ANK2: variants seen among roughly 807,000 people sequenced by gnomAD.
ANK2 encodes the protein ankyrin-2.
Under a neutral mutation model 360.5 loss-of-function variants are expected in ANK2, and 83 were observed. The observed-to-expected ratio is 0.23, with a 90% CI of 0.19 to 0.28. The LOEUF is 0.28. Among genes scored for constraint, ANK2 ranks in the 10% least tolerant of loss-of-function variants. The probability of loss-of-function intolerance (pLI) is 1.00; values close to 1 mark genes in which losing one functional copy is unlikely to be tolerated. For missense variants in ANK2, 4,201 were observed against 4,795.7 expected (o/e 0.88, Z 3.66); for synonymous variants, 1,740 against 1,759.5 (o/e 0.99, Z 0.28).
chr4:112,947,312 C>A (rs1313757750), intron 2 of ANK2, among the ~76,000 whole-genome samples: 2 of 152,120 alleles, frequency 1.3e-5, no homozygotes, highest in Non-Finnish European at 2.9e-5. Context: ...CTGCTATCAC[C>A]TAAGGTGCTT....
intron 4 of ANK2, among the ~76,000 whole-genome samples, chr4:113,200,249 G>A (rs1027416176): frequency 6.6e-5 from 10 of 152,152 alleles, no homozygotes; most frequent in African/African-American, 2.2e-4. Context: ...GGTACCATCT[G>A]TAAAGAACAT....
chr4:113,282,568 T>C, intron 17 of ANK2, 107 bp from the exon 18 acceptor site: 1 of 1,123,590 alleles, frequency 8.9e-7, no homozygotes, highest in Non-Finnish European at 1.3e-6. Context: ...GTAAACTCAC[T>C]TTTAACTCTT....
upstream of ANK2, among the ~76,000 whole-genome samples, chr4:113,046,584 A>G (rs1012436055): frequency 2.0e-5 from 3 of 152,074 alleles, no homozygotes; most frequent in Non-Finnish European, 2.9e-5. Flanking sequence ...AGAGTGTTCA[A>G]TATGCCATCT....
At chr4:113,108,307 A>T (rs2093894069) in intron 1 of ANK2, among the ~76,000 whole-genome samples, 1 of 152,182 alleles carries the variant, frequency 6.6e-6, no homozygotes, top group Admixed American at 6.5e-5. Flanking sequence ...CATACCCATA[A>T]TTCAATAGCA....
intron 1 of ANK2, among the ~76,000 whole-genome samples, chr4:113,156,389 A>ATTTTTTTTTTTC (rs1562481290): frequency 6.7e-4 from 93 of 137,910 alleles, no homozygotes; most frequent in East Asian, 3.1e-3. Context: ...TTTGTTTTTG[A>ATTTTTTTTTTTC]GACAGAGTTT....
At chr4:112,785,396 C>T in the ANK2 span, among the ~76,000 whole-genome samples, 5 of 150,562 alleles carry the variant, frequency 3.3e-5, no homozygotes, top group Admixed American at 1.3e-4. Context: ...TTTTTTGAGA[C>T]GGAGTCTTGC....
intron 1 of ANK2, among the ~76,000 whole-genome samples, chr4:113,134,845 T>C (rs2096293098): frequency 6.6e-6 from 1 of 152,162 alleles, no homozygotes. Flanking sequence ...AACTTTGCCA[T>C]GTAGTTTAAG....
intron 2 of ANK2, among the ~76,000 whole-genome samples, chr4:113,183,493 G>T (rs373439099): frequency 7.2e-5 from 11 of 152,178 alleles, no homozygotes; most frequent in East Asian, 5.8e-4. Context: ...CAAGGGAACT[G>T]AGGATGCATA....
chr4:113,033,593 A>C (rs560206159), intron 2 of ANK2, among the ~76,000 whole-genome samples: 2 of 151,854 alleles, frequency 1.3e-5, no homozygotes, highest in Non-Finnish European at 2.9e-5. Flanking sequence ...TTTGAGAAAA[A>C]AGTGTGTGTG....
Position 113,372,766 on chromosome 4 carries a change from G to A in ANK2, c.11611-324G>A, listed in dbSNP as rs556544509. On this transcript the variant is annotated intron_variant, in intron 43 of 45. Coordinates refer to ENST00000357077, the MANE Select transcript of ANK2 (RefSeq NM_001148.6). ...AAAGCAGATCCCTTAACTCTCATAA[G>A]TTCTGTTTGCAAACAAATGCAGTGG... 4.2e-5 allele frequency: 28 copies of A among 669,792 alleles called. No homozygotes were observed. In the South Asian group the frequency reaches 4.8e-4, roughly 11 times the overall value. 41.5% of individuals were successfully genotyped at this position (669,792 alleles called of 1,614,324 possible).
intron 26 of ANK2, among the ~76,000 whole-genome samples, chr4:113,325,668 A>G (rs1273906523): frequency 6.6e-6 from 1 of 152,170 alleles, no homozygotes; most frequent in Non-Finnish European, 1.5e-5. Context: ...TAGGTACTCA[A>G]TAAAGGTTAG....
At chr4:112,831,352 A>G (rs913864133) in intron 1 of ANK2, among the ~76,000 whole-genome samples, 21 of 152,164 alleles carry the variant, frequency 1.4e-4, no homozygotes, top group African/African-American at 4.8e-4. Flanking sequence ...GTCTAGCTCA[A>G]GGTTTGTAAA....
At chr4:113,173,351 T>A (rs544482780) in intron 1 of ANK2, among the ~76,000 whole-genome samples, 129 of 152,246 alleles carry the variant, frequency 8.5e-4, no homozygotes, top group African/African-American at 3.0e-3. Flanking sequence ...GCCAAGTACT[T>A]TGTTTGAGGG....
At position 113,353,599 on chromosome 4, in the gene ANK2, A is replaced by G. The variant is rs776676676; in HGVS notation, c.4981A>G (p.Lys1661Glu). 71 of 1,614,100 alleles carry G rather than the reference A, an allele frequency of 4.4e-5. 1 individual carries two copies. The South Asian group carries it at 5.9e-4, about 13-fold the overall frequency. ...AGAGCAGCTGCAGACAGTTCAAGAT[A>G]AGGCAGGGAAGAAATGTGAGGCTCT... ...PKEQLQTVQD[K>E]AGKKCEALAV... The change falls in exon 38 of 46, where the codon AAG (lysine) becomes GAG (glutamate). Residue 1661 changes from lysine to glutamate, a missense_variant. Lys to Glu is a moderately conservative substitution (Grantham distance 56). Transcript: ENST00000357077.
At chr4:113,348,445 C>A in intron 36 of ANK2, 137 bp downstream of exon 36, 1 of 833,934 alleles carries the variant, frequency 1.2e-6, no homozygotes, top group Non-Finnish European at 2.0e-6. Flanking sequence ...TTTACTTAAC[C>A]TCTCTAAGCC....
chr4:113,355,535 G>A lies in ANK2; in HGVS notation c.6917G>A (p.Ser2306Asn), dbSNP rs925410179. The A allele has an allele frequency of 6.2e-7, 1 of 1,614,124 alleles. No homozygotes were observed. Among genetic ancestry groups the A allele is most frequent in the Middle Eastern group, 1.7e-4 (1 of 6,060 alleles). The change falls in exon 38 of 46, where the codon AGT becomes AAT. Residue 2306 changes from serine to asparagine, a missense_variant. By Grantham distance (46) the Ser-to-Asn change is conservative (BLOSUM62 1). Coordinates refer to ENST00000357077, the MANE Select transcript of ANK2 (RefSeq NM_001148.6). ...GAGGACTCAGAGACCTCTACTGAGA[G>A]TTTTCAGAAAGAGGCCACTCTAGGC... is the stretch of plus-strand genomic sequence containing the variant. ...VTEDSETSTESFQKEATLGSP... is the reference protein window; with the variant it reads ...VTEDSETSTENFQKEATLGSP...
At chr4:113,246,595 T>C (rs918173277) in intron 9 of ANK2, among the ~76,000 whole-genome samples, 6 of 152,176 alleles carry the variant, frequency 3.9e-5, no homozygotes, top group African/African-American at 1.4e-4. Flanking sequence ...TACCGCATAT[T>C]AGGATTATGT....
intron 2 of ANK2, among the ~76,000 whole-genome samples, chr4:112,947,471 A>G (rs1333540851): frequency 6.6e-6 from 1 of 152,182 alleles, no homozygotes; most frequent in Non-Finnish European, 1.5e-5. Context: ...GAAACTTACA[A>G]GTGTATTGTT....
intron 2 of ANK2, among the ~76,000 whole-genome samples, chr4:113,184,627 A>G (rs2098478996): frequency 6.6e-6 from 1 of 152,112 alleles, no homozygotes; most frequent in Non-Finnish European, 1.5e-5. Flanking sequence ...GCCTTTAAGA[A>G]TCTTCCAGCC....
Sources: allele counts gnomAD v4.1 joint callset (sites outside exome capture counted in the v4.1 genomes callset), GRCh38; gene constraint gnomAD v4.1.1; transcripts MANE v1.5; gene names NCBI Gene and HGNC (gene_info 2026-07-23, HGNC 2026-07-21).